Variants in FABP12 observed in about 807,000 individuals in gnomAD.
FABP12 encodes the protein fatty acid binding protein 12.
Under a neutral mutation model 13.7 loss-of-function variants are expected in FABP12, and 19 were observed. The ratio of observed to expected loss-of-function variants is 1.39; its 90% CI spans 0.97 to 2.04. The LOEUF is 2.04. FABP12 is among the 30% of genes most tolerant of loss of function. FABP12 has a pLI of 0.00. For missense variants in FABP12, 182 were observed against 164.2 expected (o/e 1.11, Z -0.59); for synonymous variants, 61 against 57.0 (o/e 1.07, Z -0.32).
rs191453933 is a variant in FABP12 at position 81,525,244 on chromosome 8, G to A, written c.349-124C>T. 226 of 635,720 alleles carry A rather than the reference G, an allele frequency of 3.6e-4. 2 individuals are homozygous for A. Among genetic ancestry groups the A allele is most frequent in the Non-Finnish European group, 5.4e-4 (204 of 375,972 alleles). The allele number at this position is 635,720 out of a possible 1,614,324, so 39.4% of individuals were successfully genotyped here. On this transcript the variant is annotated intron_variant, in intron 4 of 4. Coordinates refer to ENST00000360464, the Ensembl canonical transcript of FABP12. Reference sequence around the variant, plus strand: ...AAATATTGAAAGAGAGGCCGGGCGCGGTGGCTCACACCTGTAATCCCAGCA... The same window carrying A: ...AAATATTGAAAGAGAGGCCGGGCGCAGTGGCTCACACCTGTAATCCCAGCA...
intron 1 of FABP12, among the ~76,000 whole-genome samples, chr8:81,544,732 C>T (rs1785439046): frequency 6.6e-6 from 1 of 151,796 alleles, no homozygotes; most frequent in Admixed American, 6.6e-5. Flanking sequence ...AGAGTAAATA[C>T]AAAGATGAAT....
At chr8:81,577,856 T>C (rs1269696263) in intron 1 of FABP12, among the ~76,000 whole-genome samples, 4 of 152,248 alleles carry the variant, frequency 2.6e-5, no homozygotes, top group Non-Finnish European at 4.4e-5. Context: ...ATAGCTACAA[T>C]GTTTTGTGTT....
At chr8:81,532,682 A>G (rs775213867) in intron 1 of FABP12, among the ~76,000 whole-genome samples, 2 of 152,206 alleles carry the variant, frequency 1.3e-5, no homozygotes, top group Non-Finnish European at 2.9e-5. Flanking sequence ...TTAGCCAGGC[A>G]TGGTGCAACG....
exon 1 of FABP12, among the ~76,000 whole-genome samples, chr8:81,533,936 T>C (rs1244186378): frequency 6.6e-6 from 1 of 152,200 alleles, no homozygotes; most frequent in African/African-American, 2.4e-5. Flanking sequence ...CACTTCCAGA[T>C]ACATTGTTAC....
chr8:81,554,967 T>C (rs984253967), intron 1 of FABP12, among the ~76,000 whole-genome samples: 1 of 152,124 alleles, frequency 6.6e-6, no homozygotes, highest in Admixed American at 6.6e-5. Flanking sequence ...TCAGCCTAAA[T>C]TCCTCTCACT....
chr8:81,547,829 C>T (rs1809459641), intron 1 of FABP12, among the ~76,000 whole-genome samples: 1 of 152,152 alleles, frequency 6.6e-6, no homozygotes, highest in African/African-American at 2.4e-5. Flanking sequence ...TGACAAATAA[C>T]TTGTCATCTC....
intron 3 of FABP12, among the ~76,000 whole-genome samples, chr8:81,528,463 A>C (rs1808967860): frequency 6.6e-6 from 1 of 152,236 alleles, no homozygotes. Flanking sequence ...CTTCCATTTT[A>C]TATGGTACAA....
chr8:81,564,300 A>T (rs1368068641), intron 1 of FABP12, among the ~76,000 whole-genome samples: 3 of 152,190 alleles, frequency 2.0e-5, no homozygotes, highest in Non-Finnish European at 4.4e-5. Flanking sequence ...AATCAGAAAG[A>T]AAAGGAAATT....
chr8:81,543,432 G>A (rs76765618), intron 1 of FABP12, among the ~76,000 whole-genome samples: 2,186 of 152,218 alleles, frequency 0.014, 42 homozygotes, highest in African/African-American at 0.048. Context: ...CTAGTTTAGC[G>A]CCTGGGCTCT....
intron 1 of FABP12, among the ~76,000 whole-genome samples, chr8:81,565,165 C>T (rs933619332): frequency 8.6e-5 from 13 of 151,966 alleles, no homozygotes; most frequent in African/African-American, 2.4e-4. Flanking sequence ...GCAACCAACA[C>T]TGAGACACCC....
chr8:81,558,482 T>G (rs1302676272), intron 1 of FABP12, among the ~76,000 whole-genome samples: 1 of 152,142 alleles, frequency 6.6e-6, no homozygotes, highest in Non-Finnish European at 1.5e-5. Flanking sequence ...CCACTCTCTC[T>G]TCCAGGCTGC....
At chr8:81,587,628 C>T (rs1054909159) in intron 1 of FABP12, among the ~76,000 whole-genome samples, 1 of 151,968 alleles carries the variant, frequency 6.6e-6, no homozygotes, top group African/African-American at 2.4e-5. Context: ...CTTGATTTGG[C>T]TCTCAGCTTG....
chr8:81,568,016 G>A (rs908017924), intron 1 of FABP12, among the ~76,000 whole-genome samples: 1 of 152,038 alleles, frequency 6.6e-6, no homozygotes, highest in Non-Finnish European at 1.5e-5. Context: ...CCAGCTACTC[G>A]GGAGGCTGAG....
At chr8:81,573,704 C>G (rs993917230) in intron 1 of FABP12, among the ~76,000 whole-genome samples, 1 of 151,658 alleles carries the variant, frequency 6.6e-6, no homozygotes, top group Middle Eastern at 3.4e-3. Context: ...TTTGTTTTGT[C>G]TTTTGCAGTT....
At chr8:81,542,606 G>A (rs2129991214) in intron 1 of FABP12, among the ~76,000 whole-genome samples, 1 of 152,314 alleles carries the variant, frequency 6.6e-6, no homozygotes, top group Non-Finnish European at 1.5e-5. Context: ...CAAGTCTACA[G>A]GTGAGGGATA....
At chr8:81,558,407 A>C (rs925807453) in intron 1 of FABP12, among the ~76,000 whole-genome samples, 5 of 152,122 alleles carry the variant, frequency 3.3e-5, no homozygotes, top group African/African-American at 1.2e-4. Context: ...AGGAAGACCC[A>C]GTCTGTACTC....
chr8:81,567,947 C>T (rs28890505), intron 1 of FABP12, among the ~76,000 whole-genome samples: 25,215 of 151,610 alleles, frequency 0.17, 2,433 homozygotes, highest in East Asian at 0.34. Context: ...AGGTGAAACC[C>T]CGTCTCTACT....
chr8:81,558,887 CA>C (rs35682824), intron 1 of FABP12, among the ~76,000 whole-genome samples: 18,970 of 67,788 alleles, frequency 0.28, 1,309 homozygotes, highest in East Asian at 0.48. Context: ...AAGGCTCCAT[CA>C]AAAAAAAAAA....
intron 1 of FABP12, among the ~76,000 whole-genome samples, chr8:81,585,283 A>ATCTCT (rs1253759851): frequency 6.6e-6 from 1 of 152,150 alleles, no homozygotes. Context: ...TAAGGGTTCT[A>ATCTCT]TTTTTATTCT....
Sources: gnomAD v4.1 joint callset for allele counts (sites outside exome capture counted in the v4.1 genomes callset) on GRCh38, gnomAD v4.1.1 for gene constraint, MANE v1.5 for transcripts, NCBI Gene and HGNC (gene_info 2026-07-23, HGNC 2026-07-21) for gene names.